WWOX: variants seen among roughly 807,000 people sequenced by gnomAD.
WWOX encodes the protein WW domain containing oxidoreductase.
A neutral mutation model predicts 46.2 loss-of-function variants in WWOX; 69 were observed. The observed-to-expected ratio is 1.49, with a 90% confidence interval of 1.23 to 1.82. The LOEUF is 1.82. Among genes scored for constraint, WWOX ranks in the 40% most tolerant of loss-of-function variants. The probability of loss-of-function intolerance (pLI) is 0.00; values close to 1 mark genes in which losing one functional copy is unlikely to be tolerated. For synonymous variants in WWOX, 359 were observed against 202.6 expected (o/e 1.77, Z -6.56); for missense variants, 919 against 542.6 (o/e 1.69, Z -6.89).
At chr16:78,996,384 C>CT (rs1555508910) in intron 8 of WWOX, 24 of 787,402 alleles carry the variant, frequency 3.0e-5, no homozygotes, top group Non-Finnish European at 3.5e-5. Flanking sequence ...CCACCCCCGC[C>CT]CCCCAGCTTC....
intron 8 of WWOX, among the ~76,000 whole-genome samples, chr16:78,559,418 G>C (rs955119520): frequency 6.6e-6 from 1 of 152,188 alleles, no homozygotes; most frequent in Admixed American, 6.5e-5. Context: ...GTGTCGAGGA[G>C]CAAGTAGATC....
intron 8 of WWOX, among the ~76,000 whole-genome samples, chr16:79,146,550 G>C (rs7190436): frequency 0.42 from 64,232 of 151,906 alleles, 15,436 homozygotes; most frequent in African/African-American, 0.66. Context: ...CCTATCTGAA[G>C]CTTCATTTCC....
intron 8 of WWOX, among the ~76,000 whole-genome samples, chr16:79,087,951 T>C (rs1022758685): frequency 3.3e-5 from 5 of 152,158 alleles, no homozygotes; most frequent in Non-Finnish European, 7.3e-5. Flanking sequence ...CATGGGTCTG[T>C]AGTCCAAGGC....
At position 78,968,032 on chromosome 16, in the gene WWOX, GTGGCACAGTGCATGGTCTGCA is replaced by G. The variant is rs1258911082; in HGVS notation, c.1057-243565_1057-243545del. ...GTATGTGTTTAATCTACCATTCCTT[GTGGCACAGTGCATGGTCTGCA>G]TGGCACAGTGTGTGGTCTGTATGGC... On this transcript the variant is annotated intron_variant, in intron 8 of 8. Transcript: ENST00000566780. Among the ~76,000 whole-genome samples the G allele has an allele frequency of 2.0e-4, 31 of 152,254 alleles. 1 individual carries two copies. The highest frequency in any genetic ancestry group is 6.2e-4 in the South Asian group (3 of 4,814).
chr16:79,040,337 C>G (rs373807216), intron 8 of WWOX, among the ~76,000 whole-genome samples: 4 of 146,470 alleles, frequency 2.7e-5, no homozygotes, highest in African/African-American at 1.0e-4. Flanking sequence ...TGCGGTGGTG[C>G]GATCTCAGCT....
chr16:78,551,589 G>C (rs868505892), intron 8 of WWOX: 1 of 152,170 alleles, frequency 6.6e-6, no homozygotes, highest in African/African-American at 2.4e-5. Context: ...TGCTCTTCGC[G>C]CCTGTGCTTT....
chr16:79,202,590 C>T (rs1019607210), intron 8 of WWOX: 1 of 152,136 alleles, frequency 6.6e-6, no homozygotes, highest in African/African-American at 2.4e-5. Flanking sequence ...TCGATTCCGG[C>T]AAGAGAAGGC....
intron 8 of WWOX, among the ~76,000 whole-genome samples, chr16:78,867,771 T>G (rs1056412122): frequency 1.3e-5 from 2 of 152,134 alleles, no homozygotes; most frequent in Admixed American, 6.6e-5. Flanking sequence ...GGAACTAATT[T>G]TTATACTGCC....
At chr16:78,909,557 T>C (rs1377159506) in intron 8 of WWOX, among the ~76,000 whole-genome samples, 1 of 152,190 alleles carries the variant, frequency 6.6e-6, no homozygotes, top group East Asian at 1.9e-4. Flanking sequence ...TCAGCCTCTC[T>C]TTGGCCTGTG....
At chr16:78,371,950 A>T (rs184090752) in intron 5 of WWOX, among the ~76,000 whole-genome samples, 9 of 152,278 alleles carry the variant, frequency 5.9e-5, no homozygotes, top group Non-Finnish European at 7.4e-5. Context: ...AACAGTGCTT[A>T]TTGGGCGCTC....
At chr16:79,003,043 C>G (rs11865669) in intron 8 of WWOX, among the ~76,000 whole-genome samples, 8 of 152,264 alleles carry the variant, frequency 5.3e-5, no homozygotes, top group African/African-American at 1.9e-4. Flanking sequence ...CAGGGCCTCA[C>G]AGCACATTTC....
At position 79,171,549 on chromosome 16, in the gene WWOX, C is replaced by A. The variant is rs183270546; in HGVS notation, c.1057-40059C>A. 6.6e-4 allele frequency among the ~76,000 whole-genome samples: 100 copies of A among 152,084 alleles called. 1 individual carries two copies. The highest frequency in any genetic ancestry group is 2.4e-3 in the African/African-American group (99 of 41,480). On this transcript the variant is annotated intron_variant, in intron 8 of 8. Transcript: ENST00000566780. Reference sequence around the variant, plus strand: ...TTTAATTTGAAATAAGAATGGTAGCCCCCAGGTCCCCTAACAGTGGGTGCT... The same window carrying A: ...TTTAATTTGAAATAAGAATGGTAGCACCCAGGTCCCCTAACAGTGGGTGCT...
chr16:78,442,493 T>C (rs1257027155), intron 8 of WWOX, among the ~76,000 whole-genome samples: 1 of 152,138 alleles, frequency 6.6e-6, no homozygotes, highest in Non-Finnish European at 1.5e-5. Context: ...CTCTACTCTC[T>C]GCTTCTGTGA....
At chr16:78,588,530 G>A (rs943047198) in intron 8 of WWOX, among the ~76,000 whole-genome samples, 1 of 152,130 alleles carries the variant, frequency 6.6e-6, no homozygotes, top group Admixed American at 6.5e-5. Flanking sequence ...TCATGAAGAG[G>A]AATGAAATAC....
intron 8 of WWOX, among the ~76,000 whole-genome samples, chr16:78,596,486 G>C (rs2045494007): frequency 6.6e-6 from 1 of 150,630 alleles, no homozygotes; most frequent in Non-Finnish European, 1.5e-5. Context: ...GCGTATCAGG[G>C]GTGCTAAGGT....
chr16:78,815,327 GAA>G (rs770386740), intron 8 of WWOX, among the ~76,000 whole-genome samples: 5 of 123,874 alleles, frequency 4.0e-5, no homozygotes, highest in Non-Finnish European at 5.2e-5. Context: ...TCTGTCTCGA[GAA>G]AAAAAAAAAA....
intron 8 of WWOX, among the ~76,000 whole-genome samples, chr16:78,851,545 GTGTT>G (rs1172282569): frequency 6.6e-6 from 1 of 152,192 alleles, no homozygotes; most frequent in Non-Finnish European, 1.5e-5. Context: ...TTGCACGTTT[GTGTT>G]TGTTTATTTT....
chr16:78,557,492 TG>T (rs2044327982), intron 8 of WWOX, among the ~76,000 whole-genome samples: 2 of 152,116 alleles, frequency 1.3e-5, no homozygotes, highest in Admixed American at 1.3e-4. Flanking sequence ...TCTTCATTTC[TG>T]GAATGCCGGA....
At chr16:79,115,082 C>A (rs1306870753) in intron 8 of WWOX, among the ~76,000 whole-genome samples, 1 of 152,172 alleles carries the variant, frequency 6.6e-6, no homozygotes, top group Non-Finnish European at 1.5e-5. Flanking sequence ...GGGAAGGGAC[C>A]AGGTCCCTCA....
Sources: gnomAD v4.1 joint callset for allele counts (sites outside exome capture counted in the v4.1 genomes callset) on GRCh38, gnomAD v4.1.1 for gene constraint, MANE v1.5 for transcripts, NCBI Gene and HGNC (gene_info 2026-07-23, HGNC 2026-07-21) for gene names.